DNM2: variants seen among roughly 807,000 people sequenced by gnomAD.
DNM2 encodes the protein dynamin 2, also known as dynamin-2.
In DNM2, 15 loss-of-function variants were observed where a neutral mutation model predicts 99.0. The observed-to-expected ratio is 0.15, with a 90% CI of 0.10 to 0.23. The LOEUF (loss-of-function observed/expected upper bound fraction) is 0.23, where lower values mean the gene tolerates loss of function less well. Among genes scored for constraint, DNM2 ranks in the 10% least tolerant of loss-of-function variants. The probability of loss-of-function intolerance (pLI) is 1.00; values close to 1 mark genes in which losing one functional copy is unlikely to be tolerated. For missense variants in DNM2, 742 were observed against 1,189.4 expected, an observed-to-expected ratio of 0.62 and a Z score of 5.53; for synonymous variants, 525 against 481.2, an observed-to-expected ratio of 1.09 and a Z score of -1.19.
chr19:10,740,656 C>T (rs867800882), intron 1 of DNM2, among the ~76,000 whole-genome samples: 4 of 152,192 alleles, frequency 2.6e-5, no homozygotes, highest in African/African-American at 7.2e-5. Flanking sequence ...GGATTACAGG[C>T]GTAAGCCACC....
chr19:10,797,721 C>T (rs908484798), intron 10 of DNM2, among the ~76,000 whole-genome samples: 12 of 152,160 alleles, frequency 7.9e-5, no homozygotes, highest in Non-Finnish European at 1.2e-4. Context: ...CCCGTGGGGG[C>T]GGTCAGCCTT....
intron 14 of DNM2, chr19:10,808,915 C>T (rs969453147): frequency 9.3e-5 from 27 of 291,890 alleles, no homozygotes; most frequent in Non-Finnish European, 1.5e-4. Flanking sequence ...TGGAAGATCT[C>T]GCTTAAGCCA....
At chr19:10,782,349 T>TTTTTCTTTTTCC (rs2071407148) in intron 5 of DNM2, among the ~76,000 whole-genome samples, 2 of 146,190 alleles carry the variant, frequency 1.4e-5, no homozygotes, top group African/African-American at 5.1e-5. Flanking sequence ...ATTTTTTTTC[T>TTTTTCTTTTTCC]TTTTCTTTTT....
chr19:10,822,976 G>C (rs934451672), intron 16 of DNM2, among the ~76,000 whole-genome samples: 3 of 151,942 alleles, frequency 2.0e-5, no homozygotes, highest in African/African-American at 7.2e-5. Context: ...GTGGTGGCAG[G>C]TGCCTGTAGT....
rs540424436 is a variant in DNM2 at position 10,720,799 on chromosome 19, G to C, written c.161+2396G>C. Reference sequence around the variant, plus strand: ...GGCACATAGTAGGTCTACATGGATGGGGCTATTGTTGTTTATCTGGCTGGT... The same window carrying C: ...GGCACATAGTAGGTCTACATGGATGCGGCTATTGTTGTTTATCTGGCTGGT... On this transcript the variant is annotated intron_variant, in intron 1 of 20. Coordinates refer to ENST00000389253, the MANE Select transcript of DNM2 (RefSeq NM_001005361.3). Among the ~76,000 whole-genome samples the C allele has an allele frequency of 2.7e-3, 407 of 152,258 alleles. 2 individuals are homozygous for C. Among genetic ancestry groups the C allele is most frequent in the African/African-American group, 9.4e-3 (390 of 41,556 alleles).
At chr19:10,732,773 C>G (rs1307561380) in intron 1 of DNM2, among the ~76,000 whole-genome samples, 1 of 152,064 alleles carries the variant, frequency 6.6e-6, no homozygotes, top group Non-Finnish European at 1.5e-5. Context: ...GCCTATAAGT[C>G]TAGTAACAAA....
chr19:10,799,573 G>A (rs1209221614), intron 11 of DNM2, among the ~76,000 whole-genome samples: 1 of 140,554 alleles, frequency 7.1e-6, no homozygotes, highest in South Asian at 2.2e-4. Context: ...TTGCTCTGTC[G>A]CCCAGGCTGG....
chr19:10,822,347 G>A (rs2073002626), intron 16 of DNM2, among the ~76,000 whole-genome samples: 2 of 142,750 alleles, frequency 1.4e-5, no homozygotes, highest in Non-Finnish European at 3.1e-5. Flanking sequence ...ACACCACCAT[G>A]CCCAGCTAAT....
In DNM2 at chr19:10,830,082, C is replaced by G. The variant is rs1279306200; in HGVS notation, c.2292-45C>G. 1.9e-6 allele frequency: 3 copies of G among 1,613,598 alleles called. No homozygotes were observed. The highest frequency in any genetic ancestry group is 1.7e-6 in the Non-Finnish European group (2 of 1,179,634). ...AGCCACAGTGGCATGGCGGGGGCTC[C>G]TACTCCATCTGTATCTGTAGCTCAC... is the stretch of plus-strand genomic sequence containing the variant. On this transcript the variant is annotated intron_variant, in intron 19 of 20. Transcript: ENST00000389253. This position sits in a 1 kb window ranked among gnomAD's most constrained non-coding sequence, Gnocchi z 4.8.
intron 11 of DNM2, among the ~76,000 whole-genome samples, chr19:10,801,389 G>C (rs542128422): frequency 2.2e-4 from 33 of 152,202 alleles, no homozygotes; most frequent in African/African-American, 7.7e-4. Context: ...GGAGGCCAAG[G>C]TAGGAGGATC....
rs1471986058 is a variant in DNM2, at chr19:10,772,461, T to C, written c.236-18T>C. 1.5e-5 allele frequency: 24 copies of C among 1,613,790 alleles called. No homozygotes were observed. Among genetic ancestry groups the C allele is most frequent in the Middle Eastern group, 1.6e-4 (1 of 6,062 alleles). On this transcript the variant is annotated intron_variant, in intron 2 of 20. Coordinates refer to ENST00000389253, the MANE Select transcript of DNM2 (RefSeq NM_001005361.3). This position sits in a 1 kb window ranked among gnomAD's most constrained non-coding sequence, Gnocchi z 4.9. ...CCACAGCTCTTTCTCATTTTCAGCA[T>C]CTCTCTTCCCTTTCTAGAACATGCC...
At position 10,737,144 on chromosome 19, in the gene DNM2, T is replaced by C. The variant is rs1478761449; in HGVS notation, c.161+18741T>C. On this transcript the variant is annotated intron_variant, in intron 1 of 20. Coordinates refer to ENST00000389253, the MANE Select transcript of DNM2 (RefSeq NM_001005361.3). ...GCCGGGGAGACAGAGGGAGACCCTA[T>C]ATCCTTCCTCTACTTGGAATCCTCC... Among the ~76,000 whole-genome samples the C allele has an allele frequency of 3.3e-5, 5 of 152,128 alleles. No individual in the cohort carries two copies. The East Asian group carries it at 7.7e-4, about 24-fold the overall frequency.
At chr19:10,787,052 G>A (rs2071583995) in intron 7 of DNM2, among the ~76,000 whole-genome samples, 1 of 152,202 alleles carries the variant, frequency 6.6e-6, no homozygotes, top group Non-Finnish European at 1.5e-5. Context: ...AGCATTGGCC[G>A]GCCAGGAGCG....
At chr19:10,824,965 T>G in intron 17 of DNM2, 92 bp from the exon 18 acceptor site, 2 of 1,601,378 alleles carry the variant, frequency 1.2e-6, no homozygotes, top group Non-Finnish European at 1.7e-6. Context: ...TGAGGTCAGT[T>G]ATTGGTGGGA....
Position 10,795,047 on chromosome 19 carries a change from A to G in DNM2, c.1129-325A>G, listed in dbSNP as rs375200581. 2.2e-3 allele frequency among the ~76,000 whole-genome samples: 335 copies of G among 152,108 alleles called. No homozygotes were observed. Among genetic ancestry groups the G allele is most frequent in the African/African-American group, 7.9e-3 (329 of 41,528 alleles). The stretch of plus-strand genomic sequence containing the variant: ...ATGATCCTCCCACCTCAGCCTCCCG[A>G]GTAGCTGGGACTATAGGCGTGCACC... On this transcript the variant is annotated intron_variant, in intron 8 of 20. Transcript: ENST00000389253. The surrounding 1 kb of genome is among the most constrained non-coding windows in gnomAD (Gnocchi z 4.2).
At chr19:10,722,179 G>C (rs1431215399) in intron 1 of DNM2, among the ~76,000 whole-genome samples, 1 of 152,084 alleles carries the variant, frequency 6.6e-6, no homozygotes. Flanking sequence ...GGCAGTAATG[G>C]CTTCGATTTC....
chr19:10,786,394 C>T, intron 6 of DNM2, 170 bp from the exon 7 acceptor site: 1 of 1,117,510 alleles, frequency 8.9e-7, no homozygotes, highest in South Asian at 1.3e-5. Context: ...CGTTCCCAGA[C>T]ATGAGTGTGT....
chr19:10,808,291 C>A (rs960383865), intron 13 of DNM2, among the ~76,000 whole-genome samples: 1 of 152,148 alleles, frequency 6.6e-6, no homozygotes, highest in East Asian at 1.9e-4. Flanking sequence ...GAAGGAAGAA[C>A]GTAACCATTG....
At chr19:10,748,827 G>A (rs949136992) in intron 1 of DNM2, among the ~76,000 whole-genome samples, 1 of 152,208 alleles carries the variant, frequency 6.6e-6, no homozygotes, top group Admixed American at 6.5e-5. Flanking sequence ...TATGTTGCCC[G>A]AGATGGGGTT....
Sources: gnomAD v4.1 joint callset for allele counts (sites outside exome capture counted in the v4.1 genomes callset) on GRCh38, gnomAD v4.1.1 for gene constraint, Gnocchi (gnomAD v3.1) non-coding constraint, MANE v1.5 for transcripts, NCBI Gene and HGNC (gene_info 2026-07-23, HGNC 2026-07-21) for gene names.